ARID1A: variants seen among roughly 807,000 people sequenced by gnomAD.
ARID1A encodes the protein AT-rich interaction domain 1A.
ARID1A carries 20 observed loss-of-function variants against 212.6 expected under a neutral mutation model. The observed-to-expected ratio is 0.09, with a 90% CI of 0.07 to 0.14. The LOEUF (loss-of-function observed/expected upper bound fraction) is 0.14. Ranked by LOEUF, ARID1A falls within the 10% of genes least tolerant of loss-of-function variation. The pLI is 1.00. For synonymous variants in ARID1A, 1,376 were observed against 1,222.1 expected, an observed-to-expected ratio of 1.13 and a Z score of -2.63; for missense variants, 2,587 against 3,059.0, an observed-to-expected ratio of 0.85 and a Z score of 3.64.
At chr1:26,708,386 G>A (rs1372432797) in intron 1 of ARID1A, among the ~76,000 whole-genome samples, 3 of 134,524 alleles carry the variant, frequency 2.2e-5, no homozygotes, top group Non-Finnish European at 4.6e-5. Context: ...CTGGGTTCAA[G>A]TGATTCTTCT....
chr1:26,752,324 G>A (rs1033570115), intron 4 of ARID1A, among the ~76,000 whole-genome samples: 6 of 152,218 alleles, frequency 3.9e-5, no homozygotes, highest in East Asian at 3.8e-4. Context: ...AGACCACTCC[G>A]TGGAATAATG....
intron 1 of ARID1A, among the ~76,000 whole-genome samples, chr1:26,704,529 T>C (rs530762164): frequency 6.0e-4 from 92 of 152,322 alleles, no homozygotes; most frequent in African/African-American, 2.0e-3. Context: ...CCTGCACATA[T>C]GCAGTCTGCC....
At chr1:26,698,690 A>G (rs2080303208) in intron 1 of ARID1A, among the ~76,000 whole-genome samples, 2 of 152,188 alleles carry the variant, frequency 1.3e-5, no homozygotes, top group African/African-American at 4.8e-5. Flanking sequence ...GACTTTCCTG[A>G]TGGTATAAAT....
At chr1:26,754,126 T>C (rs970815970) in intron 4 of ARID1A, among the ~76,000 whole-genome samples, 3 of 152,288 alleles carry the variant, frequency 2.0e-5, no homozygotes, top group African/African-American at 7.2e-5. Context: ...TTTTTATTAA[T>C]GATAAATGTG....
chr1:26,735,752 G>A (rs1454264629), intron 4 of ARID1A, among the ~76,000 whole-genome samples: 4 of 152,160 alleles, frequency 2.6e-5, no homozygotes, highest in Admixed American at 2.6e-4. Flanking sequence ...CTAGACCAGG[G>A]ATGGCACTTT....
chr1:26,738,239 G>C (rs907998165), intron 4 of ARID1A, among the ~76,000 whole-genome samples: 1 of 152,028 alleles, frequency 6.6e-6, no homozygotes, highest in Non-Finnish European at 1.5e-5. Context: ...GGCCAGACTG[G>C]TCTCGAACTC....
chr1:26,762,301 G>T lies in ARID1A; in HGVS notation c.2401G>T (p.Gly801Cys), dbSNP rs764021659. 3.7e-6 allele frequency: 6 copies of T among 1,614,078 alleles called. No homozygotes were observed. The South Asian group carries it at 5.5e-5, about 15-fold the overall frequency. The change falls in exon 7 of 20, where the codon GGT (glycine) becomes TGT (cysteine). Residue 801 changes from glycine (G) to cysteine (C), a missense_variant. Transcript: ENST00000324856. ...NSMGSYGPQG[G>C]QYGPQGGYPR... ...CATGGGGAGCTATGGTCCCCAGGGGGGTCAGTATGGCCCACAAGGTCAGTA... is the reference window on the plus strand; with the variant it reads ...CATGGGGAGCTATGGTCCCCAGGGGTGTCAGTATGGCCCACAAGGTCAGTA...
At chr1:26,760,648 A>G (rs924787993) in intron 4 of ARID1A, among the ~76,000 whole-genome samples, 20 of 152,008 alleles carry the variant, frequency 1.3e-4, no homozygotes, top group African/African-American at 2.4e-4. Flanking sequence ...GAGACGTGCC[A>G]TTGCACTCCA....
chr1:26,712,520 C>G (rs2080464066), intron 1 of ARID1A, among the ~76,000 whole-genome samples: 1 of 152,056 alleles, frequency 6.6e-6, no homozygotes, highest in Non-Finnish European at 1.5e-5. Flanking sequence ...CCTTGTCTCT[C>G]TTAAAAAAAA....
intron 1 of ARID1A, among the ~76,000 whole-genome samples, chr1:26,724,202 C>A (rs1217424330): frequency 6.6e-6 from 1 of 152,132 alleles, no homozygotes. Flanking sequence ...TTTACACTAG[C>A]CCCAACTAGT....
chr1:26,775,439 T>G (rs1570617311), intron 18 of ARID1A, 138 bp from the exon 19 acceptor site: 1 of 1,402,882 alleles, frequency 7.1e-7, no homozygotes, highest in Admixed American at 2.4e-5. Context: ...CATGAGGGGC[T>G]GGTGTGTTTC....
At chr1:26,739,604 T>C (rs1303080842) in intron 4 of ARID1A, among the ~76,000 whole-genome samples, 1 of 152,188 alleles carries the variant, frequency 6.6e-6, no homozygotes, top group Admixed American at 6.5e-5. Flanking sequence ...GAAGGCACAC[T>C]GTGGGTTAAG....
chr1:26,767,695 A>T, intron 10 of ARID1A, 95 bp from the exon 11 acceptor site: 2 of 1,256,510 alleles, frequency 1.6e-6, no homozygotes, highest in Non-Finnish European at 2.2e-6. Context: ...CAGAGTAAGA[A>T]GCTTTAACAC....
chr1:26,780,793 C>A lies in ARID1A; in HGVS notation c.*37C>A. The A allele has an allele frequency of 6.6e-7, 1 of 1,514,548 alleles. No individual in the cohort carries two copies. The highest frequency in any genetic ancestry group is 8.8e-7 in the Non-Finnish European group (1 of 1,132,184). 93.8% of individuals were successfully genotyped at this position (1,514,548 alleles called of 1,614,324 possible). A position where few individuals can be genotyped will look rare whatever the true frequency, so the allele number is the denominator to read the frequency against. On this transcript the variant is annotated 3_prime_UTR_variant, in exon 20 of 20. Coordinates refer to ENST00000324856, the MANE Select transcript of ARID1A (RefSeq NM_006015.6). This position sits in a 1 kb window ranked among gnomAD's most constrained non-coding sequence, Gnocchi z 7.2. ...CACCTCCCCCCCCCGTGTGTGTGTG[C>A]GTGTGTGGAGAACTTAGAAACTGAC...
At position 26,696,322 on chromosome 1, in the gene ARID1A, G is replaced by A; in HGVS notation, c.-82G>A. 2.5e-6 allele frequency: 3 copies of A among 1,181,090 alleles called. No individual in the cohort carries two copies. Among genetic ancestry groups the A allele is most frequent in the Non-Finnish European group, 3.1e-6 (3 of 957,614 alleles). The allele number at this position is 1,181,090 out of a possible 1,614,324, so 73.2% of individuals were successfully genotyped here. A position where few individuals can be genotyped will look rare whatever the true frequency, so the allele number is the denominator to read the frequency against. ...GGCGGGTGGGGAGGGCAGCCCGGGGGACTGGGCCCCGGGGCGGGGTGGGAG... is the reference window on the plus strand; with the variant it reads ...GGCGGGTGGGGAGGGCAGCCCGGGGAACTGGGCCCCGGGGCGGGGTGGGAG... On this transcript the variant is annotated 5_prime_UTR_variant, in exon 1 of 20. Coordinates refer to ENST00000324856, the MANE Select transcript of ARID1A (RefSeq NM_006015.6).
In ARID1A at chr1:26,731,445, G is replaced by C; in HGVS notation, c.1644G>C (p.Gln548His). The change falls in exon 3 of 20, where the codon CAG becomes CAC. Residue 548 changes from glutamine (Q) to histidine (H), a missense_variant. By Grantham distance (24) the Gln-to-His change is conservative (BLOSUM62 0). Transcript: ENST00000324856. The part of the protein sequence containing the change: ...QSTTQQHPQS[Q>H]PPYSQPQAQS... ...CGACACAGCAGCACCCCCAGAGCCA[G>C]CCCCCCTACTCACAGCCACAGGCTC... 6.2e-7 allele frequency: 1 copy of C among 1,613,662 alleles called. No individual in the cohort carries two copies. The highest frequency in any genetic ancestry group is 1.1e-5 in the South Asian group (1 of 91,042).
Position 26,707,033 on chromosome 1 carries a change from CT to C in ARID1A, c.1137+9507del, listed in dbSNP as rs763118260. ...TCACAGATCCTCACCAGGATCCTGA[CT>C]TTTTTTTTTTTTTAGACGGAGTCTT... On this transcript the variant is annotated intron_variant, in intron 1 of 19. Transcript: ENST00000324856. Among the ~76,000 whole-genome samples the C allele has an allele frequency of 3.4e-3, 476 of 140,346 alleles. 2 individuals are homozygous for C. The highest frequency in any genetic ancestry group is 3.3e-3 in the Admixed American group (46 of 13,982). The allele number at this position is 140,346 out of a possible 152,430, so 92.1% of individuals were successfully genotyped here.
chr1:26,754,876 T>G (rs1200352156), intron 4 of ARID1A, among the ~76,000 whole-genome samples: 1 of 152,224 alleles, frequency 6.6e-6, no homozygotes, highest in African/African-American at 2.4e-5. Flanking sequence ...CCCAGCACTT[T>G]GGGAGGCCAA....
Position 26,729,406 on chromosome 1 carries a change from A to G in ARID1A, c.1138-245A>G, listed in dbSNP as rs183907596. On this transcript the variant is annotated intron_variant, in intron 1 of 19. Transcript: ENST00000324856. ...GGATCTCAAGCAGTACCACAGTTAC[A>G]AAGTAGTTTTTAGCTTACAAGGTGT... 4 of 519,506 alleles carry G rather than the reference A, an allele frequency of 7.7e-6. No homozygotes were observed. The East Asian group carries it at 1.4e-4, about 18-fold the overall frequency. The allele number at this position is 519,506 out of a possible 1,614,324, so 32.2% of individuals were successfully genotyped here.
Sources: gnomAD v4.1 joint callset for allele counts (sites outside exome capture counted in the v4.1 genomes callset) on GRCh38, gnomAD v4.1.1 for gene constraint, Gnocchi (gnomAD v3.1) non-coding constraint, MANE v1.5 for transcripts, NCBI Gene and HGNC (gene_info 2026-07-23, HGNC 2026-07-21) for gene names.